SLC14A2: variants seen among roughly 807,000 people sequenced by gnomAD.
SLC14A2 encodes the protein urea transporter 2.
In SLC14A2, 91 loss-of-function variants were observed where a neutral mutation model predicts 104.6. The ratio of observed to expected loss-of-function variants is 0.87; its 90% CI spans 0.73 to 1.04. The LOEUF is 1.04. SLC14A2 is among the 50% of genes least tolerant of loss of function. SLC14A2 has a pLI of 0.00. For missense variants in SLC14A2, 1,189 were observed against 1,156.0 expected, an observed-to-expected ratio of 1.03 and a Z score of -0.41; for synonymous variants, 476 against 466.4, an observed-to-expected ratio of 1.02 and a Z score of -0.27.
At chr18:45,279,868 G>A (rs2144139265) in intron 1 of SLC14A2, among the ~76,000 whole-genome samples, 1 of 152,198 alleles carries the variant, frequency 6.6e-6, no homozygotes, top group East Asian at 1.9e-4. Flanking sequence ...AGTAACCTCA[G>A]CACTGTTCAC....
At chr18:45,366,983 C>G (rs1008236639) in intron 1 of SLC14A2, among the ~76,000 whole-genome samples, 1 of 152,164 alleles carries the variant, frequency 6.6e-6, no homozygotes, top group Non-Finnish European at 1.5e-5. Flanking sequence ...AGGCCTTACA[C>G]ACAGAGACAG....
intron 1 of SLC14A2, among the ~76,000 whole-genome samples, chr18:45,379,551 T>C (rs1456928729): frequency 2.0e-5 from 3 of 152,172 alleles, no homozygotes; most frequent in East Asian, 1.9e-4. Flanking sequence ...CACATACCCA[T>C]GATCCTCTAA....
the SLC14A2 span, among the ~76,000 whole-genome samples, chr18:45,207,316 G>A: frequency 6.8e-6 from 1 of 147,324 alleles, no homozygotes; most frequent in African/African-American, 2.5e-5. Context: ...AAGGAAGGAA[G>A]GGAAAAAGGG....
chr18:45,619,919 G>A (rs181260064), intron 1 of SLC14A2, among the ~76,000 whole-genome samples: 10 of 152,332 alleles, frequency 6.6e-5, no homozygotes, highest in African/African-American at 2.2e-4. Flanking sequence ...TCACTGTCCT[G>A]AGAAGCCTAC....
intron 1 of SLC14A2, among the ~76,000 whole-genome samples, chr18:45,440,689 T>C (rs959781603): frequency 5.3e-5 from 8 of 152,186 alleles, no homozygotes; most frequent in Admixed American, 6.5e-5. Context: ...GGAAAACTGA[T>C]CTCTCTCAAA....
intron 1 of SLC14A2, among the ~76,000 whole-genome samples, chr18:45,478,815 T>G (rs1451124058): frequency 6.6e-6 from 1 of 152,164 alleles, no homozygotes; most frequent in African/African-American, 2.4e-5. Context: ...CAAGACCAAT[T>G]AAAGTGGAAC....
intron 1 of SLC14A2, among the ~76,000 whole-genome samples, chr18:45,432,419 GGAATACTTCAGTCCCTAATAA>G (rs1328507566): frequency 6.6e-6 from 1 of 152,162 alleles, no homozygotes; most frequent in African/African-American, 2.4e-5. Context: ...CAATTGGGCA[GGAATACTTCAGTCCCTAATAA>G]GCTCCTTGCC....
chr18:45,489,448 T>A (rs1431424468), intron 2 of SLC14A2, among the ~76,000 whole-genome samples: 1 of 151,850 alleles, frequency 6.6e-6, no homozygotes, highest in African/African-American at 2.4e-5. Flanking sequence ...GAGACAGACA[T>A]TGCAGTGAGC....
At chr18:45,403,570 A>G (rs1301471829) in intron 1 of SLC14A2, among the ~76,000 whole-genome samples, 1 of 152,058 alleles carries the variant, frequency 6.6e-6, no homozygotes, top group Non-Finnish European at 1.5e-5. Context: ...AGCTGGCTGG[A>G]GGGCTTGTGC....
intron 10 of SLC14A2, among the ~76,000 whole-genome samples, chr18:45,655,949 C>T (rs1195768855): frequency 6.6e-6 from 1 of 152,204 alleles, no homozygotes; most frequent in Non-Finnish European, 1.5e-5. Context: ...AAACTTGCTT[C>T]CTAACTGATC....
chr18:45,209,246 G>T (rs1489920120), upstream of SLC14A2, among the ~76,000 whole-genome samples: 1 of 151,298 alleles, frequency 6.6e-6, no homozygotes, highest in Non-Finnish European at 1.5e-5. Context: ...GGGAGGCTGA[G>T]GCAGCAGAAT....
upstream of SLC14A2, among the ~76,000 whole-genome samples, chr18:45,212,663 A>G (rs1405180497): frequency 6.6e-6 from 1 of 152,190 alleles, no homozygotes; most frequent in Non-Finnish European, 1.5e-5. Context: ...ATGTGTGTGC[A>G]CATGTGATAC....
chr18:45,494,222 A>G (rs902230946), intron 2 of SLC14A2, among the ~76,000 whole-genome samples: 8 of 152,216 alleles, frequency 5.3e-5, no homozygotes, highest in African/African-American at 1.2e-4. Flanking sequence ...GTTGAATTCT[A>G]CAGGAGAAAT....
chr18:45,424,392 G>A (rs541909380), intron 1 of SLC14A2, among the ~76,000 whole-genome samples: 30 of 152,320 alleles, frequency 2.0e-4, no homozygotes, highest in African/African-American at 7.0e-4. Flanking sequence ...GAGATGGTGA[G>A]CAATGATTGC....
intron 2 of SLC14A2, among the ~76,000 whole-genome samples, chr18:45,549,543 C>T (rs2044025800): frequency 1.3e-5 from 2 of 152,340 alleles, no homozygotes; most frequent in East Asian, 3.9e-4. Flanking sequence ...TTCTACCTCA[C>T]CGCTTTCCAC....
the SLC14A2 span, among the ~76,000 whole-genome samples, chr18:45,178,420 C>T: frequency 3.3e-5 from 5 of 151,762 alleles, no homozygotes. Context: ...AGAATAAAAG[C>T]ACACGTTATT....
chr18:45,401,338 G>T (rs970237333), intron 1 of SLC14A2, among the ~76,000 whole-genome samples: 2 of 152,126 alleles, frequency 1.3e-5, no homozygotes, highest in African/African-American at 4.8e-5. Flanking sequence ...GTGCCATGAG[G>T]GTAGGGACTA....
chr18:45,445,797 A>G (rs1359976940), intron 1 of SLC14A2, among the ~76,000 whole-genome samples: 1 of 152,174 alleles, frequency 6.6e-6, no homozygotes, highest in East Asian at 1.9e-4. Flanking sequence ...TTCCCTCCCA[A>G]ATATTATCCC....
chr18:45,476,263 T>C (rs947212259), intron 1 of SLC14A2, among the ~76,000 whole-genome samples: 3 of 152,194 alleles, frequency 2.0e-5, no homozygotes, highest in Non-Finnish European at 4.4e-5. Flanking sequence ...GGATATGAAA[T>C]TCTGGATTGA....
Sources: gnomAD v4.1 joint callset for allele counts (sites outside exome capture counted in the v4.1 genomes callset) on GRCh38, gnomAD v4.1.1 for gene constraint, MANE v1.5 for transcripts, NCBI Gene and HGNC (gene_info 2026-07-23, HGNC 2026-07-21) for gene names.